The following CAST variants were observed in gnomAD, a reference collection of about 807,000 sequenced individuals.
CAST encodes the protein MIR583 host.
Under a neutral mutation model 119.6 loss-of-function variants are expected in CAST, and 76 were observed. The observed-to-expected ratio is 0.64, with a 90% CI of 0.53 to 0.77. The LOEUF (loss-of-function observed/expected upper bound fraction) is 0.77, where lower values mean the gene tolerates loss of function less well. CAST is among the 30% of genes least tolerant of loss of function. The pLI, the probability that CAST is intolerant of heterozygous loss-of-function variation, is 0.00. For missense variants in CAST, 953 were observed against 946.5 expected (o/e 1.01, Z -0.09); for synonymous variants, 319 against 331.6 (o/e 0.96, Z 0.41).
the CAST span, among the ~76,000 whole-genome samples, chr5:96,105,588 C>T: frequency 2.0e-5 from 3 of 152,136 alleles, no homozygotes; most frequent in Admixed American, 6.5e-5. Flanking sequence ...ATGAAGCCCA[C>T]TTGATCATGG....
At chr5:96,529,183 C>G (rs1169885652), upstream of CAST, among the ~76,000 whole-genome samples, 1 of 152,116 alleles carries the variant, frequency 6.6e-6, no homozygotes, top group Non-Finnish European at 1.5e-5. Context: ...TGGCTCTTAT[C>G]AAACAAACCT....
the CAST span, among the ~76,000 whole-genome samples, chr5:95,979,286 G>T: frequency 6.6e-6 from 1 of 152,028 alleles, no homozygotes; most frequent in Non-Finnish European, 1.5e-5. Context: ...ATTAAAATTG[G>T]GGTCATGCTA....
At chr5:96,083,548 C>T in the CAST span, among the ~76,000 whole-genome samples, 1 of 152,146 alleles carries the variant, frequency 6.6e-6, no homozygotes, top group Admixed American at 6.5e-5. Flanking sequence ...ACATTTCAGG[C>T]TTTCTAGAAA....
the CAST span, among the ~76,000 whole-genome samples, chr5:96,463,023 T>C: frequency 3.3e-5 from 5 of 152,218 alleles, no homozygotes; most frequent in East Asian, 9.7e-4. Flanking sequence ...GTCTCAGATG[T>C]TTCTTTATAG....
At chr5:96,171,654 G>A in the CAST span, among the ~76,000 whole-genome samples, 1 of 152,216 alleles carries the variant, frequency 6.6e-6, no homozygotes, top group Non-Finnish European at 1.5e-5. Flanking sequence ...TGGATAAAAT[G>A]TGTCTCCTTT....
the CAST span, among the ~76,000 whole-genome samples, chr5:96,161,060 G>GT: frequency 6.6e-6 from 1 of 151,918 alleles, no homozygotes. Context: ...TCTGTATGTT[G>GT]TTTTTTCACT....
At chr5:96,741,103 A>G (rs1762571552) in intron 13 of CAST, 163 bp from the exon 14 acceptor site, 2 of 604,276 alleles carry the variant, frequency 3.3e-6, no homozygotes, top group South Asian at 2.0e-5. Flanking sequence ...ATGAGTAGCC[A>G]CTCTCTTCAA....
chr5:96,390,196 T>G, the CAST span, among the ~76,000 whole-genome samples: 1 of 152,202 alleles, frequency 6.6e-6, no homozygotes, highest in Non-Finnish European at 1.5e-5. Flanking sequence ...AAATAAAACA[T>G]ACCTTGTTCA....
chr5:96,153,058 C>T, the CAST span, among the ~76,000 whole-genome samples: 1 of 152,226 alleles, frequency 6.6e-6, no homozygotes, highest in Non-Finnish European at 1.5e-5. Flanking sequence ...AAGATAGGCT[C>T]TTTGGTACTC....
the CAST span, among the ~76,000 whole-genome samples, chr5:96,172,021 A>G: frequency 1.3e-5 from 2 of 151,912 alleles, no homozygotes; most frequent in Admixed American, 6.6e-5. Context: ...TTGTGTGAGC[A>G]ATAAAGCTTT....
chr5:96,333,148 G>A, the CAST span, among the ~76,000 whole-genome samples: 5 of 151,868 alleles, frequency 3.3e-5, no homozygotes, highest in Non-Finnish European at 7.4e-5. Flanking sequence ...CCCACTTCTC[G>A]GTGTGAAGCG....
the CAST span, chr5:96,425,875 C>G: frequency 6.2e-7 from 1 of 1,612,978 alleles, no homozygotes; most frequent in South Asian, 1.1e-5. Context: ...TGCTGAGTCC[C>G]TTAGAGCTGA....
the CAST span, among the ~76,000 whole-genome samples, chr5:96,023,928 CAT>C: frequency 6.6e-6 from 1 of 152,082 alleles, no homozygotes; most frequent in Non-Finnish European, 1.5e-5. Context: ...AAAATCCAAA[CAT>C]ATGCAACACA....
intron 1 of CAST, among the ~76,000 whole-genome samples, chr5:96,534,816 GA>G (rs1240977658): frequency 1.4e-5 from 2 of 138,990 alleles, no homozygotes; most frequent in African/African-American, 5.3e-5. Context: ...AAGAAAGAAA[GA>G]AAGAAAAGAA....
the CAST span, among the ~76,000 whole-genome samples, chr5:96,371,886 A>G: frequency 6.6e-6 from 1 of 152,220 alleles, no homozygotes; most frequent in African/African-American, 2.4e-5. Flanking sequence ...AAAGTACATT[A>G]TATTCTAATA....
the CAST span, among the ~76,000 whole-genome samples, chr5:95,962,986 G>A: frequency 5.3e-5 from 8 of 152,274 alleles, no homozygotes; most frequent in Non-Finnish European, 7.4e-5. Flanking sequence ...AAAAGAGGGA[G>A]CCTAATCTGG....
the CAST span, among the ~76,000 whole-genome samples, chr5:96,114,815 T>C: frequency 6.6e-6 from 1 of 152,324 alleles, no homozygotes; most frequent in East Asian, 1.9e-4. Context: ...TCTAATCACA[T>C]TGAGCTCTCC....
At chr5:96,312,161 C>T in the CAST span, among the ~76,000 whole-genome samples, 1 of 152,076 alleles carries the variant, frequency 6.6e-6, no homozygotes, top group Non-Finnish European at 1.5e-5. Context: ...ATGATAACAA[C>T]TCAAATTTGA....
intron 3 of CAST, among the ~76,000 whole-genome samples, chr5:96,708,425 A>AT (rs1755453292): frequency 6.6e-6 from 1 of 151,596 alleles, no homozygotes; most frequent in Non-Finnish European, 1.5e-5. Flanking sequence ...TGGGGCTTTT[A>AT]TTTTTTCTTT....
Sources: allele counts gnomAD v4.1 joint callset (sites outside exome capture counted in the v4.1 genomes callset), GRCh38; gene constraint gnomAD v4.1.1; transcripts MANE v1.5; gene names NCBI Gene and HGNC (gene_info 2026-07-23, HGNC 2026-07-21).